The following ZFPM2 variants were observed in gnomAD, a reference collection of about 807,000 sequenced individuals.
ZFPM2 encodes zinc finger protein ZFPM2.
A neutral mutation model predicts 98.6 loss-of-function variants in ZFPM2; 20 were observed. That is an observed-to-expected ratio of 0.20 (90% CI 0.14 to 0.29). The LOEUF (loss-of-function observed/expected upper bound fraction) is 0.29, where lower values mean the gene tolerates loss of function less well. Ranked by LOEUF, ZFPM2 falls within the 10% of genes least tolerant of loss-of-function variation. The pLI, the probability that ZFPM2 is intolerant of heterozygous loss-of-function variation, is 1.00. For missense variants in ZFPM2, 1,310 were observed against 1,388.6 expected (o/e 0.94, Z 0.90); for synonymous variants, 518 against 502.7 (o/e 1.03, Z -0.41).
At chr8:105,726,937 G>A (rs1563538739) in intron 5 of ZFPM2, among the ~76,000 whole-genome samples, 2 of 151,578 alleles carry the variant, frequency 1.3e-5, no homozygotes, top group South Asian at 4.2e-4. Context: ...AAAATAGAGG[G>A]AAAAGTTGTC....
rs528287035 is a variant in ZFPM2, at chr8:105,646,055, A to G, written c.532+11698A>G. Among the ~76,000 whole-genome samples the G allele has an allele frequency of 1.2e-3, 53 of 44,836 alleles. 1 individual carries two copies. The highest frequency in any genetic ancestry group is 0.012 in the South Asian group (26 of 2,200). The allele number at this position is 44,836 out of a possible 152,430, so 29.4% of individuals were successfully genotyped here. A position where few individuals can be genotyped will look rare whatever the true frequency, so the allele number is the denominator to read the frequency against. ...AACAGAGTGAGACTCCATCTGGAAA[A>G]AAAAAAAAAAAAAGAAAGAAAGGAG... On this transcript the variant is annotated intron_variant, in intron 5 of 7. Transcript: ENST00000407775.
chr8:105,788,253 G>C (rs773833532), intron 5 of ZFPM2, among the ~76,000 whole-genome samples: 6 of 152,084 alleles, frequency 3.9e-5, no homozygotes, highest in Non-Finnish European at 8.8e-5. Flanking sequence ...GGTATTGATA[G>C]GATGGAAGTA....
intron 5 of ZFPM2, among the ~76,000 whole-genome samples, chr8:105,666,752 T>A (rs2130896398): frequency 6.6e-6 from 1 of 151,282 alleles, no homozygotes; most frequent in East Asian, 1.9e-4. Context: ...TTAACATGAA[T>A]CAAGGCAGTG....
At chr8:105,320,256 T>TGTGTGTG (rs1811999090) in intron 1 of ZFPM2, among the ~76,000 whole-genome samples, 1 of 142,344 alleles carries the variant, frequency 7.0e-6, no homozygotes, top group Non-Finnish European at 1.5e-5. Context: ...ATTCAGATCT[T>TGTGTGTG]TGTGTGTGTG....
chr8:105,418,380 A>G (rs1214099155), intron 1 of ZFPM2, among the ~76,000 whole-genome samples: 1 of 152,128 alleles, frequency 6.6e-6, no homozygotes, highest in Non-Finnish European at 1.5e-5. Flanking sequence ...CATGTAGTCC[A>G]CTTCAGATCG....
intron 5 of ZFPM2, among the ~76,000 whole-genome samples, chr8:105,725,422 A>C (rs756927772): frequency 5.3e-5 from 8 of 151,848 alleles, no homozygotes; most frequent in Non-Finnish European, 8.8e-5. Context: ...AAATATTCCT[A>C]GGCTGTTTAA....
At chr8:105,762,273 A>C (rs1812749231) in intron 5 of ZFPM2, among the ~76,000 whole-genome samples, 1 of 151,968 alleles carries the variant, frequency 6.6e-6, no homozygotes, top group Non-Finnish European at 1.5e-5. Flanking sequence ...TTTAGACTAC[A>C]GTATTTGATT....
chr8:105,551,838 C>G (rs531413296), intron 3 of ZFPM2, among the ~76,000 whole-genome samples: 1 of 152,118 alleles, frequency 6.6e-6, no homozygotes, highest in African/African-American at 2.4e-5. Flanking sequence ...CATCATGTTA[C>G]AATACATGAC....
chr8:105,554,710 G>A (rs548935674), intron 3 of ZFPM2, among the ~76,000 whole-genome samples: 2 of 152,194 alleles, frequency 1.3e-5, no homozygotes, highest in South Asian at 2.1e-4. Flanking sequence ...TTTACTTGCA[G>A]CTATGTCCTA....
At chr8:105,696,938 G>A (rs1189246752) in intron 5 of ZFPM2, among the ~76,000 whole-genome samples, 1 of 152,070 alleles carries the variant, frequency 6.6e-6, no homozygotes. Context: ...GGTGACCCCT[G>A]ATGAACTTGA....
chr8:105,350,322 T>C (rs1421460140), intron 1 of ZFPM2, among the ~76,000 whole-genome samples: 5 of 152,294 alleles, frequency 3.3e-5, no homozygotes, highest in South Asian at 4.1e-4. Flanking sequence ...AGGTGGGTTT[T>C]GAAAAGGAAA....
chr8:105,690,949 T>G (rs1045242330), intron 5 of ZFPM2: 10 of 152,168 alleles, frequency 6.6e-5, no homozygotes, highest in Non-Finnish European at 1.5e-5. Context: ...AGAACAGTTT[T>G]ATTAATCTTT....
chr8:105,584,254 A>T (rs971743049), intron 4 of ZFPM2, among the ~76,000 whole-genome samples: 11 of 152,282 alleles, frequency 7.2e-5, no homozygotes, highest in South Asian at 2.1e-4. Context: ...AAAACACAGG[A>T]TGACTAATTC....
intron 3 of ZFPM2, among the ~76,000 whole-genome samples, chr8:105,485,707 G>C (rs1813218364): frequency 6.6e-6 from 1 of 152,128 alleles, no homozygotes; most frequent in Non-Finnish European, 1.5e-5. Context: ...CTTTGTTAAA[G>C]ATTTCAAGAG....
At chr8:105,590,903 C>G (rs763576762) in intron 4 of ZFPM2, among the ~76,000 whole-genome samples, 3 of 152,110 alleles carry the variant, frequency 2.0e-5, no homozygotes, top group Non-Finnish European at 4.4e-5. Context: ...GGGTATAGTT[C>G]TGCCATAGTA....
intron 1 of ZFPM2, among the ~76,000 whole-genome samples, chr8:105,328,618 A>G (rs951743962): frequency 6.6e-6 from 1 of 151,862 alleles, no homozygotes; most frequent in African/African-American, 2.4e-5. Flanking sequence ...AGGTTTAAAC[A>G]TGTTTTTTCC....
intron 5 of ZFPM2, among the ~76,000 whole-genome samples, chr8:105,714,455 A>C: frequency 6.6e-6 from 1 of 151,922 alleles, no homozygotes; most frequent in East Asian, 1.9e-4. Context: ...GATCACTTTT[A>C]TTTCTCTTGC....
chr8:105,642,660 A>G (rs1225469016), intron 5 of ZFPM2, among the ~76,000 whole-genome samples: 3 of 152,166 alleles, frequency 2.0e-5, no homozygotes, highest in African/African-American at 7.2e-5. Context: ...AACTGAGCAC[A>G]TGCTCTGCCC....
intron 5 of ZFPM2, among the ~76,000 whole-genome samples, chr8:105,738,333 C>G (rs1236333356): frequency 2.0e-5 from 3 of 151,954 alleles, no homozygotes; most frequent in African/African-American, 7.2e-5. Context: ...CTCCCATGTT[C>G]CTGCAAAGAA....
Sources: allele counts gnomAD v4.1 joint callset (sites outside exome capture counted in the v4.1 genomes callset), GRCh38; gene constraint gnomAD v4.1.1; transcripts MANE v1.5; gene names NCBI Gene and HGNC (gene_info 2026-07-23, HGNC 2026-07-21).